The following POU3F3 variants were observed in gnomAD, a reference collection of about 807,000 sequenced individuals.
POU3F3 encodes the protein POU domain, class 3, transcription factor 3.
A neutral mutation model predicts 8.6 loss-of-function variants in POU3F3; 1 was observed. The observed-to-expected ratio is 0.12, with a 90% CI of 0.04 to 0.55. The LOEUF is 0.55. Among genes scored for constraint, POU3F3 ranks in the 20% least tolerant of loss-of-function variants. The pLI is 0.91. For synonymous variants in POU3F3, 418 were observed against 327.4 expected, an observed-to-expected ratio of 1.28 and a Z score of -2.99; for missense variants, 577 against 690.7, an observed-to-expected ratio of 0.84 and a Z score of 1.84.
Position 104,857,073 on chromosome 2 carries a change from ACCGCCGCCGCCCCTGCCGCCGCCG to A in POU3F3, c.*72_*95del, listed in dbSNP as rs916392811. The A allele has an allele frequency of 3.2e-5, 37 of 1,164,102 alleles. No individual in the cohort carries two copies. The highest frequency in any genetic ancestry group is 4.6e-5 in the Admixed American group (1 of 21,518). The allele number at this position is 1,164,102 out of a possible 1,614,324, so 72.1% of individuals were successfully genotyped here. On this transcript the variant is annotated 3_prime_UTR_variant, in exon 1 of 1. Coordinates refer to ENST00000361360, the MANE Select transcript of POU3F3 (RefSeq NM_006236.3). ...CGCCGCCTCCGCAGCCGCCGTCAGCACCGCCGCCGCCCCTGCCGCCGCCGCCGCCGCCGCCGCCGCCGCTGCCGC... is the reference window on the plus strand; with the variant it reads ...CGCCGCCTCCGCAGCCGCCGTCAGCACCGCCGCCGCCGCCGCCGCTGCCGC...
the POU3F3 span, among the ~76,000 whole-genome samples, chr2:104,877,799 A>T: frequency 6.6e-6 from 1 of 151,690 alleles, no homozygotes; most frequent in Non-Finnish European, 1.5e-5. Flanking sequence ...CTGGGATTAC[A>T]GGCACACACC....
chr2:104,876,066 C>T, the POU3F3 span, among the ~76,000 whole-genome samples: 1 of 152,058 alleles, frequency 6.6e-6, no homozygotes, highest in Non-Finnish European at 1.5e-5. Context: ...AGAGAAATGA[C>T]AAAAATGGAG....
downstream of POU3F3, among the ~76,000 whole-genome samples, chr2:104,862,146 G>A (rs906904513): frequency 5.3e-5 from 8 of 152,166 alleles, no homozygotes; most frequent in Non-Finnish European, 8.8e-5. Context: ...TAAAATGCGG[G>A]CGCGAGCTTG....
the POU3F3 span, among the ~76,000 whole-genome samples, chr2:104,904,835 C>T: frequency 1.3e-5 from 2 of 151,876 alleles, no homozygotes; most frequent in South Asian, 2.1e-4. Context: ...AAGAGAGGGG[C>T]GTGGAGGGGA....
At chr2:104,870,947 A>T in the POU3F3 span, among the ~76,000 whole-genome samples, 4 of 152,236 alleles carry the variant, frequency 2.6e-5, no homozygotes, top group Non-Finnish European at 5.9e-5. Flanking sequence ...GACAAGCTAA[A>T]GGCATTTCAA....
chr2:104,877,154 G>A, the POU3F3 span, among the ~76,000 whole-genome samples: 10 of 152,112 alleles, frequency 6.6e-5, no homozygotes, highest in East Asian at 1.9e-4. Context: ...GCTGGGACCC[G>A]GAGACCCTCT....
chr2:104,926,050 A>C, the POU3F3 span: 2 of 152,206 alleles, frequency 1.3e-5, no homozygotes, highest in Admixed American at 1.3e-4. Flanking sequence ...ATGGGCAAAG[A>C]CTTCATGACA....
At chr2:104,901,045 T>A in the POU3F3 span, among the ~76,000 whole-genome samples, 2 of 152,370 alleles carry the variant, frequency 1.3e-5, no homozygotes, top group South Asian at 2.1e-4. Flanking sequence ...GATATTTACC[T>A]GTTTATGATT....
chr2:104,855,748 G>C lies in POU3F3; in HGVS notation c.238G>C (p.Gly80Arg). The change falls in exon 1 of 1, where the codon GGG becomes CGG. Residue 80 changes from glycine (G) to arginine (R), a missense_variant. Around this residue, in one of 7 missense-constraint regions of POU3F3, gnomAD observed 484 missense variants for 422.6 expected, o/e 1.15. Coordinates refer to ENST00000361360, the MANE Select transcript of POU3F3 (RefSeq NM_006236.3). ...VKMVQSDFMQ[G>R]AMAASNGGHM... Reference sequence around the variant, plus strand: ...GATGGTCCAGAGCGACTTCATGCAGGGGGCCATGGCCGCCAGCAACGGCGG... The same window carrying C: ...GATGGTCCAGAGCGACTTCATGCAGCGGGCCATGGCCGCCAGCAACGGCGG... 2 of 1,321,238 alleles carry C rather than the reference G, an allele frequency of 1.5e-6. No homozygotes were observed. Among genetic ancestry groups the C allele is most frequent in the South Asian group, 2.6e-5 (2 of 77,262 alleles). 81.8% of individuals were successfully genotyped at this position (1,321,238 alleles called of 1,614,324 possible). A position where few individuals can be genotyped will look rare whatever the true frequency, so the allele number is the denominator to read the frequency against.
At chr2:104,863,205 ATTC>A (rs1403828745), downstream of POU3F3, among the ~76,000 whole-genome samples, 1 of 129,848 alleles carries the variant, frequency 7.7e-6, no homozygotes, top group African/African-American at 2.8e-5. Context: ...TATTATTATT[ATTC>A]TGGAAACGCT....
the POU3F3 span, among the ~76,000 whole-genome samples, chr2:104,910,546 A>T: frequency 6.6e-6 from 1 of 152,152 alleles, no homozygotes; most frequent in Non-Finnish European, 1.5e-5. Context: ...CACAGGACTA[A>T]TGTGAGGGTT....
At chr2:104,924,050 G>C in the POU3F3 span, among the ~76,000 whole-genome samples, 1 of 152,162 alleles carries the variant, frequency 6.6e-6, no homozygotes, top group African/African-American at 2.4e-5. Flanking sequence ...TGCAGGGTAA[G>C]AGTTTTAGAG....
the POU3F3 span, among the ~76,000 whole-genome samples, chr2:104,908,974 C>T: frequency 6.6e-6 from 1 of 151,590 alleles, no homozygotes; most frequent in South Asian, 2.1e-4. Flanking sequence ...TAAGTACTTG[C>T]ACTTTTTAAA....
chr2:104,861,730 T>C (rs1185717413), downstream of POU3F3, among the ~76,000 whole-genome samples: 1 of 152,252 alleles, frequency 6.6e-6, no homozygotes, highest in African/African-American at 2.4e-5. Context: ...TTGTTGTTGC[T>C]GCTGCTGCTG....
At chr2:104,871,836 A>G in the POU3F3 span, among the ~76,000 whole-genome samples, 11 of 152,332 alleles carry the variant, frequency 7.2e-5, no homozygotes, top group Non-Finnish European at 1.2e-4. Context: ...TCAATGCTCA[A>G]TGCGAACGCA....
At chr2:104,925,042 T>C in the POU3F3 span, among the ~76,000 whole-genome samples, 7 of 152,326 alleles carry the variant, frequency 4.6e-5, no homozygotes, top group Non-Finnish European at 7.4e-5. Flanking sequence ...GCAATTTAGG[T>C]TCTATCATGA....
the POU3F3 span, chr2:104,872,606 G>A: frequency 7.6e-6 from 2 of 264,798 alleles, no homozygotes; most frequent in Admixed American, 1.1e-4. This position sits in a 1 kb window ranked among gnomAD's most constrained non-coding sequence, Gnocchi z 4.6. Flanking sequence ...TCTGCGCCCG[G>A]GTCTCGGCGC....
At chr2:104,896,661 C>A in the POU3F3 span, among the ~76,000 whole-genome samples, 1 of 152,210 alleles carries the variant, frequency 6.6e-6, no homozygotes, top group Non-Finnish European at 1.5e-5. Context: ...GCCAGACCAT[C>A]CCCTCTGCTC....
At chr2:104,907,465 T>G in the POU3F3 span, among the ~76,000 whole-genome samples, 1 of 152,214 alleles carries the variant, frequency 6.6e-6, no homozygotes, top group African/African-American at 2.4e-5. Flanking sequence ...AGCAAGCGAC[T>G]AGAGAACAAC....
Sources: gnomAD v4.1 joint callset for allele counts (sites outside exome capture counted in the v4.1 genomes callset) on GRCh38, gnomAD v4.1.1 for gene constraint, gnomAD v4.1.1 regional missense constraint, Gnocchi (gnomAD v3.1) non-coding constraint, MANE v1.5 for transcripts, NCBI Gene and HGNC (gene_info 2026-07-23, HGNC 2026-07-21) for gene names.